The following SND1 variants were observed in gnomAD, a reference collection of about 807,000 sequenced individuals.
SND1 encodes staphylococcal nuclease domain-containing protein 1.
SND1 carries 38 observed loss-of-function variants against 121.7 expected under a neutral mutation model. The ratio of observed to expected loss-of-function variants is 0.31; its 90% CI spans 0.24 to 0.41. The LOEUF is 0.41. Among genes scored for constraint, SND1 ranks in the 10% least tolerant of loss-of-function variants. SND1 has a pLI of 1.00. For missense variants in SND1, 868 were observed against 1,184.6 expected (o/e 0.73, Z 3.92); for synonymous variants, 401 against 447.4 (o/e 0.90, Z 1.31).
intron 12 of SND1, among the ~76,000 whole-genome samples, chr7:127,870,152 C>T (rs866476119): frequency 1.3e-5 from 2 of 152,246 alleles, no homozygotes; most frequent in Middle Eastern, 3.4e-3. Context: ...AAATTACAGT[C>T]AAGATTCTTT....
intron 11 of SND1, among the ~76,000 whole-genome samples, chr7:127,828,970 G>A (rs1353535184): frequency 2.0e-5 from 3 of 152,142 alleles, no homozygotes; most frequent in Non-Finnish European, 4.4e-5. Flanking sequence ...AGGTAGGGGC[G>A]GAAGAGGAGT....
intron 7 of SND1, 144 bp downstream of exon 7, chr7:127,703,467 A>G (rs1005050610): frequency 2.1e-6 from 2 of 973,764 alleles, no homozygotes; most frequent in African/African-American, 1.7e-5. Flanking sequence ...TAATCCCACC[A>G]CTTTGGGAGG....
chr7:127,799,830 G>T (rs1052899282), intron 10 of SND1, among the ~76,000 whole-genome samples: 1 of 152,152 alleles, frequency 6.6e-6, no homozygotes, highest in South Asian at 2.1e-4. Context: ...CTTTTTCCTT[G>T]AAACAACTCT....
At chr7:127,707,361 G>GC (rs1340188463) in intron 8 of SND1, among the ~76,000 whole-genome samples, 196 bp from the exon 9 acceptor site, 4 of 152,188 alleles carry the variant, frequency 2.6e-5, no homozygotes, top group Non-Finnish European at 5.9e-5. Flanking sequence ...TAGTCTCCCA[G>GC]CTGTGGGCTT....
intron 4 of SND1, among the ~76,000 whole-genome samples, chr7:127,700,129 T>C (rs1180917023): frequency 2.6e-5 from 4 of 152,216 alleles, no homozygotes; most frequent in African/African-American, 9.6e-5. Context: ...AGTTTGCAAT[T>C]GGAATGAATA....
In SND1 at chr7:127,900,825, G is replaced by A. The variant is rs532776695; in HGVS notation, c.1455-3922G>A. Among the ~76,000 whole-genome samples, 60 of 152,290 alleles carry A rather than the reference G, an allele frequency of 3.9e-4. No individual in the cohort carries two copies. The South Asian group carries it at 6.2e-3, about 16-fold the overall frequency. ...TCAGTTATTGACACTGGTAGTCTTT[G>A]CTGTCTTTGTACTGCTGCATCTTGG... On this transcript the variant is annotated intron_variant, in intron 13 of 23. Transcript: ENST00000354725.
At chr7:127,946,023 A>G (rs1801321882) in intron 15 of SND1, among the ~76,000 whole-genome samples, 1 of 152,226 alleles carries the variant, frequency 6.6e-6, no homozygotes, top group Non-Finnish European at 1.5e-5. Flanking sequence ...CATTCACTGC[A>G]TCTGCGTGTA....
At chr7:127,771,549 T>C (rs1469596801) in intron 10 of SND1, among the ~76,000 whole-genome samples, 1 of 152,220 alleles carries the variant, frequency 6.6e-6, no homozygotes, top group East Asian at 1.9e-4. Context: ...GTGGTAGATT[T>C]GTAGTGTATT....
intron 1 of SND1, among the ~76,000 whole-genome samples, chr7:127,686,306 G>A (rs367992197): frequency 6.6e-6 from 1 of 152,166 alleles, no homozygotes; most frequent in African/African-American, 2.4e-5. Flanking sequence ...TACTTGCTAG[G>A]ATGAAATTAT....
intron 15 of SND1, among the ~76,000 whole-genome samples, chr7:127,973,130 C>A (rs1279855932): frequency 6.6e-6 from 1 of 152,100 alleles, no homozygotes; most frequent in Non-Finnish European, 1.5e-5. Flanking sequence ...TTTAAGGAGG[C>A]TTTAAACCTG....
At chr7:128,036,132 A>G (rs1476739087) in intron 16 of SND1, among the ~76,000 whole-genome samples, 1 of 152,262 alleles carries the variant, frequency 6.6e-6, no homozygotes, top group East Asian at 1.9e-4. Context: ...TTGGTGAATC[A>G]GTAATAATAA....
At chr7:127,968,472 C>T (rs1480557826) in intron 15 of SND1, among the ~76,000 whole-genome samples, 1 of 152,204 alleles carries the variant, frequency 6.6e-6, no homozygotes, top group Non-Finnish European at 1.5e-5. Context: ...ACTCTTCTAG[C>T]TCCCATTGAG....
chr7:127,734,055 T>C (rs920059450), intron 10 of SND1, among the ~76,000 whole-genome samples: 5 of 152,122 alleles, frequency 3.3e-5, no homozygotes, highest in Non-Finnish European at 7.4e-5. Context: ...CTCTTACCAA[T>C]GGAAGAGTGT....
chr7:127,795,540 A>G (rs1172477134), intron 10 of SND1, among the ~76,000 whole-genome samples: 1 of 152,182 alleles, frequency 6.6e-6, no homozygotes, highest in African/African-American at 2.4e-5. Context: ...GAATGGTATT[A>G]TATGTGTTCT....
intron 15 of SND1, among the ~76,000 whole-genome samples, chr7:127,964,573 G>A (rs969920308): frequency 2.6e-5 from 4 of 152,032 alleles, no homozygotes; most frequent in Admixed American, 2.0e-4. Flanking sequence ...GTAGGTAAGC[G>A]GCGTTATTTC....
intron 13 of SND1, among the ~76,000 whole-genome samples, chr7:127,903,065 G>T (rs1254936948): frequency 1.3e-5 from 2 of 151,974 alleles, no homozygotes; most frequent in African/African-American, 4.8e-5. Context: ...TGTATTTTTA[G>T]TAGAGACAGG....
At chr7:127,899,681 G>A (rs957020507) in intron 13 of SND1, among the ~76,000 whole-genome samples, 5 of 152,120 alleles carry the variant, frequency 3.3e-5, no homozygotes, top group Admixed American at 2.6e-4. Context: ...TGATGATGTC[G>A]ATTTTTATTG....
chr7:128,025,097 T>C (rs528475772), intron 16 of SND1, among the ~76,000 whole-genome samples: 8 of 152,336 alleles, frequency 5.3e-5, no homozygotes, highest in Non-Finnish European at 7.4e-5. Context: ...GAAATGGTTA[T>C]GTAGAGTCCT....
intron 15 of SND1, among the ~76,000 whole-genome samples, chr7:127,974,196 T>C (rs1474090939): frequency 6.6e-6 from 1 of 152,242 alleles, no homozygotes; most frequent in Non-Finnish European, 1.5e-5. Flanking sequence ...CCTGCAGTAT[T>C]TTAAACCACA....
Sources: gnomAD v4.1 joint callset for allele counts (sites outside exome capture counted in the v4.1 genomes callset) on GRCh38, gnomAD v4.1.1 for gene constraint, MANE v1.5 for transcripts, NCBI Gene and HGNC (gene_info 2026-07-23, HGNC 2026-07-21) for gene names.